The following CNTN5 variants were observed in gnomAD, a reference collection of about 807,000 sequenced individuals.
CNTN5 encodes the protein contactin-5.
A neutral mutation model predicts 129.1 loss-of-function variants in CNTN5; 77 were observed. The observed-to-expected ratio is 0.60, with a 90% CI of 0.50 to 0.72. The LOEUF (loss-of-function observed/expected upper bound fraction) is 0.72, where lower values mean the gene tolerates loss of function less well. CNTN5 is among the 30% of genes least tolerant of loss of function. CNTN5 has a pLI of 0.00. For synonymous variants in CNTN5, 509 were observed against 465.6 expected, an observed-to-expected ratio of 1.09 and a Z score of -1.20; for missense variants, 1,478 against 1,328.8, an observed-to-expected ratio of 1.11 and a Z score of -1.75.
At chr11:99,371,605 A>C (rs1009091483) in intron 2 of CNTN5, among the ~76,000 whole-genome samples, 5 of 152,272 alleles carry the variant, frequency 3.3e-5, no homozygotes, top group Admixed American at 3.3e-4. Context: ...TTACAGATTA[A>C]CTTTGATATC....
chr11:100,024,091 A>T (rs1941293068), intron 9 of CNTN5, among the ~76,000 whole-genome samples: 1 of 152,098 alleles, frequency 6.6e-6, no homozygotes, highest in South Asian at 2.1e-4. Flanking sequence ...AATCCCTGTA[A>T]TTCCTATAAA....
intron 3 of CNTN5, among the ~76,000 whole-genome samples, chr11:99,775,925 G>A (rs1444803371): frequency 1.3e-5 from 2 of 151,928 alleles, no homozygotes; most frequent in Non-Finnish European, 2.9e-5. Context: ...AATATGTGTT[G>A]GTTGTAAATA....
intron 13 of CNTN5, among the ~76,000 whole-genome samples, chr11:100,177,986 G>A (rs866632999): frequency 4.6e-5 from 7 of 152,190 alleles, no homozygotes; most frequent in African/African-American, 1.2e-4. Flanking sequence ...TCAAAGGAGC[G>A]AACTCAATGT....
In CNTN5 at chr11:99,052,147, G is replaced by A. The variant is rs1346763605; in HGVS notation, c.-210+30877G>A. ...CTGGGAGATGTATGGTTATATGTAA[G>A]GATATTGTATGCATGTTACATATTA... On this transcript the variant is annotated intron_variant, in intron 1 of 24. Coordinates refer to ENST00000524871, the MANE Select transcript of CNTN5 (RefSeq NM_014361.4). 4.0e-5 allele frequency among the ~76,000 whole-genome samples: 6 copies of A among 151,836 alleles called. No homozygotes were observed. The East Asian group carries it at 7.7e-4, about 20-fold the overall frequency.
chr11:100,070,671 A>G (rs1591179191), intron 11 of CNTN5, 111 bp downstream of exon 11: 1 of 874,878 alleles, frequency 1.1e-6, no homozygotes, highest in Non-Finnish European at 1.8e-6. Flanking sequence ...TCTGATTCGT[A>G]TAATAGGACA....
At chr11:99,487,780 A>G (rs578159229) in intron 2 of CNTN5, among the ~76,000 whole-genome samples, 1 of 152,326 alleles carries the variant, frequency 6.6e-6, no homozygotes, top group African/African-American at 2.4e-5. Context: ...GCTTCTCCAA[A>G]CACCAGCTCC....
rs564280108 is a variant in CNTN5 at position 99,994,585 on chromosome 11, GC to G, written c.878-7448del. On this transcript the variant is annotated intron_variant, in intron 8 of 24. Coordinates refer to ENST00000524871, the MANE Select transcript of CNTN5 (RefSeq NM_014361.4). ...TCACAGGGACTCATGCATATAAGAG[GC>G]TTAGGTTTAATAAGCATCATGATAA... 5.7e-3 allele frequency among the ~76,000 whole-genome samples: 867 copies of G among 152,200 alleles called. 7 individuals are homozygous for G. The highest frequency in any genetic ancestry group is 6.2e-3 in the Non-Finnish European group (424 of 68,022).
At chr11:99,280,575 A>C (rs1047544415) in intron 1 of CNTN5, among the ~76,000 whole-genome samples, 2 of 151,808 alleles carry the variant, frequency 1.3e-5, no homozygotes, top group African/African-American at 4.8e-5. Context: ...TAAAAAAAAA[A>C]ATGAACAAAC....
At chr11:99,630,789 A>G (rs658789) in intron 3 of CNTN5, among the ~76,000 whole-genome samples, 92,601 of 151,914 alleles carry the variant, frequency 0.61, 29,099 homozygotes, top group Admixed American at 0.73. Context: ...TACCATGTCA[A>G]AGATTCTTCA....
At chr11:99,262,906 C>T (rs950190237) in intron 1 of CNTN5, among the ~76,000 whole-genome samples, 1 of 151,968 alleles carries the variant, frequency 6.6e-6, no homozygotes, top group Non-Finnish European at 1.5e-5. Context: ...AAGAACACTT[C>T]TTAAGGTGAA....
chr11:100,145,126 T>TTTA (rs1946811100), intron 13 of CNTN5, among the ~76,000 whole-genome samples: 1 of 152,170 alleles, frequency 6.6e-6, no homozygotes, highest in Admixed American at 6.6e-5. Flanking sequence ...TCTTGATGTC[T>TTTA]CATTTTTGAT....
At chr11:99,279,828 A>T (rs1411822817) in intron 1 of CNTN5, among the ~76,000 whole-genome samples, 1 of 151,650 alleles carries the variant, frequency 6.6e-6, no homozygotes, top group Non-Finnish European at 1.5e-5. Context: ...CAGCTTTTGC[A>T]CAAAAGTGTG....
intron 21 of CNTN5, chr11:100,337,327 T>C: frequency 1.1e-6 from 1 of 924,942 alleles, no homozygotes; most frequent in South Asian, 1.3e-5. Flanking sequence ...TCACCATACA[T>C]ATTCTGGAAG....
intron 9 of CNTN5, among the ~76,000 whole-genome samples, chr11:100,058,594 C>T (rs1943335639): frequency 1.3e-5 from 2 of 152,044 alleles, no homozygotes; most frequent in African/African-American, 4.8e-5. Context: ...TGAATACATG[C>T]ACCTACACCA....
rs117367453 is a variant in CNTN5 at position 99,091,640 on chromosome 11, G to A, written c.-210+70370G>A. Among the ~76,000 whole-genome samples the A allele has an allele frequency of 9.2e-3, 1,407 of 152,244 alleles. 1 individual carries two copies. Among genetic ancestry groups the A allele is most frequent in the Middle Eastern group, 0.031 (9 of 294 alleles). On this transcript the variant is annotated intron_variant, in intron 1 of 24. Coordinates refer to ENST00000524871, the MANE Select transcript of CNTN5 (RefSeq NM_014361.4). ...ATCAGGAGCTGAAATCACAGAAGAG[G>A]CACTTCATCTGCGGGGATGCTGCTT...
At chr11:99,113,516 TA>T (rs1857899446) in intron 1 of CNTN5, among the ~76,000 whole-genome samples, 1 of 152,098 alleles carries the variant, frequency 6.6e-6, no homozygotes, top group South Asian at 2.1e-4. Context: ...TCAATCCTGA[TA>T]GGAACCTTCT....
chr11:99,363,611 A>G (rs1394138441), intron 2 of CNTN5, among the ~76,000 whole-genome samples: 3 of 152,100 alleles, frequency 2.0e-5, no homozygotes, highest in Non-Finnish European at 2.9e-5. Context: ...GCAAACAGAA[A>G]CAAGCACAAT....
intron 1 of CNTN5, among the ~76,000 whole-genome samples, chr11:99,131,822 C>G (rs569870525): frequency 2.0e-5 from 3 of 152,214 alleles, no homozygotes; most frequent in Admixed American, 2.0e-4. Context: ...ACGAGAGGTA[C>G]AAAGAGGAGC....
chr11:99,179,459 A>G (rs1857939117), intron 1 of CNTN5, among the ~76,000 whole-genome samples: 2 of 152,154 alleles, frequency 1.3e-5, no homozygotes, highest in African/African-American at 2.4e-5. Flanking sequence ...AAAAATAAAT[A>G]AATAAAAAAT....
Sources: gnomAD v4.1 joint callset for allele counts (sites outside exome capture counted in the v4.1 genomes callset) on GRCh38, gnomAD v4.1.1 for gene constraint, MANE v1.5 for transcripts, NCBI Gene and HGNC (gene_info 2026-07-23, HGNC 2026-07-21) for gene names.